The following ANKRD22 variants were observed in gnomAD, a reference collection of about 807,000 sequenced individuals.
The protein encoded by ANKRD22 is ankyrin repeat domain 22.
In ANKRD22, 24 loss-of-function variants were observed where a neutral mutation model predicts 25.7. The observed-to-expected ratio is 0.93, with a 90% confidence interval of 0.68 to 1.31. ANKRD22 has a LOEUF of 1.31. ANKRD22 is among the 50% of genes most tolerant of loss of function. The probability of loss-of-function intolerance (pLI) is 0.00; values close to 1 mark genes in which losing one functional copy is unlikely to be tolerated. For missense variants in ANKRD22, 214 were observed against 227.1 expected, an observed-to-expected ratio of 0.94 and a Z score of 0.37; for synonymous variants, 84 against 84.3, an observed-to-expected ratio of 1.00 and a Z score of 0.02.
Position 88,822,941 on chromosome 10 carries a change from T to G in ANKRD22, c.576A>C (p.Ter192TyrextTer3). ...QIELMLRKAL[*>Y] The stretch of plus-strand genomic sequence containing the variant: ...ATCTCCATCGGTGTGGTCACAAGGA[T>G]TACAATGCTTTCCTTAGCATTAATT... The change falls in exon 6 of 6, where the codon TAA becomes TAC. Residue 192 changes from the stop codon to tyrosine, a stop_lost. Transcript: ENST00000371930. The G allele has an allele frequency of 1.2e-6, 2 of 1,606,474 alleles. No homozygotes were observed. Among genetic ancestry groups the G allele is most frequent in the East Asian group, 4.5e-5 (2 of 44,840 alleles).
At chr10:88,834,786 T>TA (rs111261912) in intron 1 of ANKRD22, among the ~76,000 whole-genome samples, 7 of 151,596 alleles carry the variant, frequency 4.6e-5, no homozygotes, top group Non-Finnish European at 8.8e-5. Flanking sequence ...AATACAAAAA[T>TA]AAAAAAATTA....
At chr10:88,846,211 C>A (rs144924766) in intron 1 of ANKRD22, among the ~76,000 whole-genome samples, 8 of 151,860 alleles carry the variant, frequency 5.3e-5, no homozygotes, top group African/African-American at 1.9e-4. Flanking sequence ...ACTTACTGAA[C>A]ATAGTTGCAG....
chr10:88,846,146 CT>C lies in ANKRD22; in HGVS notation c.21+5440del, dbSNP rs200694729. ...TTTTTGCGTATGTATGGTCAGACAT[CT>C]TTTTTTTTTCTCATTTGACATACAG... On this transcript the variant is annotated intron_variant, in intron 1 of 5. Coordinates refer to ENST00000371930, the MANE Select transcript of ANKRD22 (RefSeq NM_144590.3). 3.7e-3 allele frequency among the ~76,000 whole-genome samples: 560 copies of C among 149,852 alleles called. 1 individual carries two copies. The highest frequency in any genetic ancestry group is 6.2e-3 in the Non-Finnish European group (417 of 67,206).
chr10:88,822,863 C>G lies in ANKRD22; in HGVS notation c.*78G>C. The G allele has an allele frequency of 7.4e-7, 1 of 1,352,766 alleles. No homozygotes were observed. The highest frequency in any genetic ancestry group is 1.0e-6 in the Non-Finnish European group (1 of 957,844). The allele number at this position is 1,352,766 out of a possible 1,614,324, so 83.8% of individuals were successfully genotyped here. A position where few individuals can be genotyped will look rare whatever the true frequency, so the allele number is the denominator to read the frequency against. On this transcript the variant is annotated 3_prime_UTR_variant, in exon 6 of 6. Coordinates refer to ENST00000371930, the MANE Select transcript of ANKRD22 (RefSeq NM_144590.3). ...ATGGTGGCATCCAGGTTAAATGGCC[C>G]ACAGACCAAAAGTCTAAAATGAAGA...
At position 88,850,021 on chromosome 10, in the gene ANKRD22, TG is replaced by T. The variant is rs199721639; in HGVS notation, c.21+1565del. On this transcript the variant is annotated intron_variant, in intron 1 of 5. Transcript: ENST00000371930. ...TTGGGGGAAGTTTTTTTTTTTTTTTTGAATAGATTCTTCCAGGCAACATAGG... is the reference window on the plus strand; with the variant it reads ...TTGGGGGAAGTTTTTTTTTTTTTTTTAATAGATTCTTCCAGGCAACATAGG... 6.4e-3 allele frequency among the ~76,000 whole-genome samples: 971 copies of T among 151,458 alleles called. 9 individuals carry two copies. The highest frequency in any genetic ancestry group is 0.041 in the South Asian group (195 of 4,776).
At chr10:88,825,994 C>T (rs772971332) in intron 4 of ANKRD22, 44 bp downstream of exon 4, 1 of 1,492,252 alleles carries the variant, frequency 6.7e-7, no homozygotes, top group Non-Finnish European at 9.3e-7. Context: ...CCTACAAATA[C>T]CATTTTGAAT....
intron 1 of ANKRD22, among the ~76,000 whole-genome samples, chr10:88,835,773 T>G (rs1843948260): frequency 6.6e-6 from 1 of 152,154 alleles, no homozygotes; most frequent in African/African-American, 2.4e-5. Flanking sequence ...CGCTGAAGAC[T>G]CCATGCTGTT....
intron 1 of ANKRD22, among the ~76,000 whole-genome samples, chr10:88,835,199 T>C (rs1843942485): frequency 6.6e-6 from 1 of 152,212 alleles, no homozygotes; most frequent in African/African-American, 2.4e-5. Flanking sequence ...GGGGAGTTGT[T>C]CTGCAAGAGT....
rs981880355 is a variant in ANKRD22, at chr10:88,820,595, A to G, written c.*2346T>C. 8.1e-6 allele frequency: 10 copies of G among 1,239,212 alleles called. No individual in the cohort carries two copies. The highest frequency in any genetic ancestry group is 6.1e-5 in the African/African-American group (4 of 65,950). The allele number at this position is 1,239,212 out of a possible 1,614,324, so 76.8% of individuals were successfully genotyped here. A position where few individuals can be genotyped will look rare whatever the true frequency, so the allele number is the denominator to read the frequency against. The stretch of plus-strand genomic sequence containing the variant: ...TACGGAGAGCAGAGACCTAGTATAC[A>G]TTTTTCAGATTCCCTGCACTTGGCA... On this transcript the variant is annotated 3_prime_UTR_variant, in exon 6 of 6. Coordinates refer to ENST00000371930, the MANE Select transcript of ANKRD22 (RefSeq NM_144590.3).
At chr10:88,828,357 G>C (rs1464994892) in intron 3 of ANKRD22, among the ~76,000 whole-genome samples, 1 of 152,162 alleles carries the variant, frequency 6.6e-6, no homozygotes. Context: ...TGTTACCATT[G>C]ATTAACTATT....
intron 1 of ANKRD22, among the ~76,000 whole-genome samples, chr10:88,846,362 A>G (rs1372499120): frequency 2.6e-5 from 4 of 152,180 alleles, no homozygotes; most frequent in Non-Finnish European, 5.9e-5. Context: ...AAAATGTTTT[A>G]TATTTACACT....
chr10:88,848,580 G>T (rs1174735907), intron 1 of ANKRD22, among the ~76,000 whole-genome samples: 1 of 152,108 alleles, frequency 6.6e-6, no homozygotes, highest in Non-Finnish European at 1.5e-5. Flanking sequence ...TTTCCCCATT[G>T]TCTCTGCCTA....
intron 1 of ANKRD22, among the ~76,000 whole-genome samples, chr10:88,851,120 C>A (rs1844100490): frequency 1.3e-5 from 2 of 152,100 alleles, no homozygotes; most frequent in Admixed American, 1.3e-4. Context: ...TAGTGATAGT[C>A]TTTACTAATA....
intron 1 of ANKRD22, among the ~76,000 whole-genome samples, chr10:88,839,267 T>A (rs1843982755): frequency 6.6e-6 from 1 of 152,084 alleles, no homozygotes; most frequent in Admixed American, 6.6e-5. Flanking sequence ...TCACATAATC[T>A]TGTTTTATCT....
chr10:88,824,362 G>A (rs1316575263), intron 4 of ANKRD22, among the ~76,000 whole-genome samples: 2 of 152,180 alleles, frequency 1.3e-5, no homozygotes, highest in Non-Finnish European at 2.9e-5. Flanking sequence ...ATCAAGACAG[G>A]TTTAGCTCTG....
chr10:88,823,219 G>A, intron 5 of ANKRD22, 61 bp downstream of exon 5: 2 of 1,426,410 alleles, frequency 1.4e-6, no homozygotes, highest in South Asian at 1.2e-5. Context: ...TTCAACATAA[G>A]GCCTAGATTA....
chr10:88,836,588 T>C (rs907280966), intron 1 of ANKRD22, among the ~76,000 whole-genome samples: 10 of 152,178 alleles, frequency 6.6e-5, no homozygotes, highest in African/African-American at 2.4e-4. Context: ...CTATCTCCAA[T>C]CACTTTAGTC....
At chr10:88,840,605 C>T (rs778454297) in intron 1 of ANKRD22, among the ~76,000 whole-genome samples, 1 of 152,134 alleles carries the variant, frequency 6.6e-6, no homozygotes, top group Non-Finnish European at 1.5e-5. Context: ...ACAAGCTCCC[C>T]TCACTTAAAA....
At chr10:88,825,489 C>T (rs1013704563) in intron 4 of ANKRD22, among the ~76,000 whole-genome samples, 1 of 152,236 alleles carries the variant, frequency 6.6e-6, no homozygotes, top group Non-Finnish European at 1.5e-5. Flanking sequence ...GTAGTTTGCA[C>T]ACGGGGCCTC....
Sources: gnomAD v4.1 joint callset for allele counts (sites outside exome capture counted in the v4.1 genomes callset) on GRCh38, gnomAD v4.1.1 for gene constraint, MANE v1.5 for transcripts, NCBI Gene and HGNC (gene_info 2026-07-23, HGNC 2026-07-21) for gene names.